ZIM2: variants seen among roughly 807,000 people sequenced by gnomAD.
ZIM2 encodes zinc finger imprinted 2.
In ZIM2, 14 loss-of-function variants were observed where a neutral mutation model predicts 38.6. That is an observed-to-expected ratio of 0.36 (90% CI 0.24 to 0.57). The LOEUF is 0.57. Among genes scored for constraint, ZIM2 ranks in the 20% least tolerant of loss-of-function variants. The pLI, the probability that ZIM2 is intolerant of heterozygous loss-of-function variation, is 0.81. For synonymous variants in ZIM2, 247 were observed against 245.8 expected (o/e 1.00, Z -0.04); for missense variants, 680 against 695.1 (o/e 0.98, Z 0.24).
intron 3 of ZIM2, 175 bp from the exon 4 acceptor site, chr19:56,824,602 T>C: frequency 6.2e-7 from 1 of 1,613,114 alleles, no homozygotes; most frequent in Non-Finnish European, 8.5e-7. Context: ...CATACAGATT[T>C]GGGGCCCAGG....
chr19:56,817,902 T>C (rs1255506326), intron 8 of ZIM2, 64 bp from the exon 9 acceptor site: 11 of 1,282,102 alleles, frequency 8.6e-6, no homozygotes, highest in Non-Finnish European at 1.2e-5. Flanking sequence ...TCACCATAAA[T>C]TGATCTTCAT....
At chr19:56,809,556 A>T (rs1351000344) in intron 9 of ZIM2, among the ~76,000 whole-genome samples, 2 of 152,154 alleles carry the variant, frequency 1.3e-5, no homozygotes, top group Non-Finnish European at 2.9e-5. Context: ...CAGGGATGAC[A>T]ATCTACTGAA....
At chr19:56,780,687 G>T (rs2046289985) in intron 11 of ZIM2, among the ~76,000 whole-genome samples, 2 of 152,120 alleles carry the variant, frequency 1.3e-5, no homozygotes, top group African/African-American at 4.8e-5. Flanking sequence ...AGCTTCTGTT[G>T]CCTATCTAAC....
chr19:56,789,480 T>C (rs2046809785), intron 10 of ZIM2, among the ~76,000 whole-genome samples: 1 of 152,068 alleles, frequency 6.6e-6, no homozygotes, highest in Non-Finnish European at 1.5e-5. Flanking sequence ...CACTCCCTCA[T>C]ATATAAAAAG....
Position 56,824,409 on chromosome 19 carries a change from C to T in ZIM2, c.-132G>A, listed in dbSNP as rs1315255896. ...AGGACCAAGAGCTCGATGATCTCCT[C>T]CTTGGTGCGGGTCTCCGGCTGCAAC... On this transcript the variant is annotated 5_prime_UTR_variant, in exon 4 of 13. Transcript: ENST00000629319. 2 of 1,614,126 alleles carry T rather than the reference C, an allele frequency of 1.2e-6. No homozygotes were observed. Among genetic ancestry groups the T allele is most frequent in the South Asian group, 2.2e-5 (2 of 91,068 alleles).
At chr19:56,805,912 T>C (rs939295687) in intron 9 of ZIM2, among the ~76,000 whole-genome samples, 1 of 152,210 alleles carries the variant, frequency 6.6e-6, no homozygotes, top group Non-Finnish European at 1.5e-5. Context: ...ATTGACAGAT[T>C]TGATAAAAGC....
At chr19:56,813,858 G>T in intron 9 of ZIM2, 1 of 1,614,144 alleles carries the variant, frequency 6.2e-7, no homozygotes, top group Non-Finnish European at 8.5e-7. Flanking sequence ...TGATCATGCT[G>T]GCATGAGTTT....
chr19:56,840,220 T>C (rs1297175920), intron 1 of ZIM2, among the ~76,000 whole-genome samples: 1 of 152,188 alleles, frequency 6.6e-6, no homozygotes, highest in African/African-American at 2.4e-5. Flanking sequence ...CCCCCGGCTG[T>C]CTGCCCTAAT....
intron 3 of ZIM2, among the ~76,000 whole-genome samples, chr19:56,825,472 G>C (rs2060930403): frequency 6.6e-6 from 1 of 152,026 alleles, no homozygotes; most frequent in Admixed American, 6.5e-5. Context: ...TCTTTACTTA[G>C]TTCATTTATT....
At chr19:56,836,467 A>T (rs923379044) in intron 1 of ZIM2, among the ~76,000 whole-genome samples, 2 of 152,158 alleles carry the variant, frequency 1.3e-5, no homozygotes, top group Admixed American at 1.3e-4. Flanking sequence ...ATTATTAGGT[A>T]ATAGTACCCT....
At chr19:56,813,031 T>G (rs1433053994) in intron 9 of ZIM2, 1 of 985,226 alleles carries the variant, frequency 1.0e-6, no homozygotes, top group Non-Finnish European at 1.2e-6. Context: ...CAGTAAGGAG[T>G]AAAAGCCATG....
intron 1 of ZIM2, among the ~76,000 whole-genome samples, chr19:56,836,340 C>T (rs1001500108): frequency 1.3e-5 from 2 of 152,146 alleles, no homozygotes; most frequent in African/African-American, 4.8e-5. Flanking sequence ...CAAAGGCATT[C>T]AAGTCAATTT....
In ZIM2 at chr19:56,775,046, T is replaced by C; in HGVS notation, c.1319A>G (p.Glu440Gly). ...LCERVRIHSQ[E>G]DYFECFQCGK... is the part of the protein sequence containing the mutation. ...GCACTGAAAACATTCAAAGTAGTCC[T>C]CCTGACTGTGAATTCTTACACGTTC... Residue 440 changes from glutamate (E) to glycine (G), a missense_variant, in exon 13 of 13, where the codon GAG becomes GGG. Glu to Gly is a moderately conservative substitution (Grantham distance 98, BLOSUM62 -2). Transcript: ENST00000629319. The C allele has an allele frequency of 1.9e-6, 3 of 1,614,184 alleles. No homozygotes were observed. The highest frequency in any genetic ancestry group is 2.5e-6 in the Non-Finnish European group (3 of 1,180,022).
chr19:56,809,755 AT>A (rs1342225811), intron 9 of ZIM2, among the ~76,000 whole-genome samples: 1 of 152,186 alleles, frequency 6.6e-6, no homozygotes, highest in Non-Finnish European at 1.5e-5. Context: ...ATTGTCTGTG[AT>A]TTTTTATGTT....
rs764962580 is a variant in ZIM2 at position 56,775,195 on chromosome 19, T to C, written c.1170A>G (p.Lys390=). The C allele has an allele frequency of 3.1e-6, 5 of 1,614,020 alleles. No homozygotes were observed. The Admixed American group carries it at 5.0e-5, about 16-fold the overall frequency. ...IHTGKKPYEC[K]QCAEAFYLMP... Reference sequence around the variant, plus strand: ...TGAGATAGAAGGCTTCAGCACACTGTTTACATTCATAGGGTTTCTTCCCAG... The same window carrying C: ...TGAGATAGAAGGCTTCAGCACACTGCTTACATTCATAGGGTTTCTTCCCAG... The change falls in exon 13 of 13, where the codon AAA becomes AAG. Residue 390 remains lysine, a synonymous_variant. Transcript: ENST00000629319.
At chr19:56,812,541 A>G in intron 9 of ZIM2, 1 of 985,836 alleles carries the variant, frequency 1.0e-6, no homozygotes, top group Non-Finnish European at 1.2e-6. Flanking sequence ...GTGCAAACTG[A>G]CTTGTGGCAG....
intron 2 of ZIM2, among the ~76,000 whole-genome samples, chr19:56,834,691 T>C (rs933645895): frequency 1.3e-5 from 2 of 152,168 alleles, no homozygotes; most frequent in African/African-American, 4.8e-5. Flanking sequence ...AGCACCATAA[T>C]GCATATCTTG....
Position 56,775,343 on chromosome 19 carries a change from G to A in ZIM2, c.1022C>T (p.Thr341Ile). The A allele has an allele frequency of 6.2e-7, 1 of 1,614,158 alleles. No individual in the cohort carries two copies. The highest frequency in any genetic ancestry group is 8.5e-7 in the Non-Finnish European group (1 of 1,180,022). The change falls in exon 13 of 13, where the codon ACT becomes ATT. Residue 341 changes from threonine (T) to isoleucine (I), a missense_variant. Transcript: ENST00000629319. ...DPLGKDPQEG[T>I]APGICTSPQS... ...GGGACTCGTACATATTCCAGGAGCA[G>A]TGCCTTCCTGGGGATCCTTTCCTAG...
At chr19:56,817,713 G>C in intron 9 of ZIM2, 33 bp downstream of exon 9, 1 of 1,589,436 alleles carries the variant, frequency 6.3e-7, no homozygotes, top group Non-Finnish European at 8.6e-7. Context: ...CACTGGTTGT[G>C]TGGCTCCTCT....
Sources: allele counts gnomAD v4.1 joint callset (sites outside exome capture counted in the v4.1 genomes callset), GRCh38; gene constraint gnomAD v4.1.1; transcripts MANE v1.5; gene names NCBI Gene and HGNC (gene_info 2026-07-23, HGNC 2026-07-21).